Variants in SHISA9 observed in about 807,000 individuals in gnomAD.
The protein encoded by SHISA9 is shisa family member 9.
In SHISA9, 13 loss-of-function variants were observed where a neutral mutation model predicts 38.0. That is an observed-to-expected ratio of 0.34 (90% CI 0.22 to 0.54). The LOEUF is 0.54. Among genes scored for constraint, SHISA9 ranks in the 20% least tolerant of loss-of-function variants. The probability of loss-of-function intolerance (pLI) is 0.91; values close to 1 mark genes in which losing one functional copy is unlikely to be tolerated. For synonymous variants in SHISA9, 275 were observed against 242.0 expected, an observed-to-expected ratio of 1.14 and a Z score of -1.27; for missense variants, 538 against 575.8, an observed-to-expected ratio of 0.93 and a Z score of 0.67.
chr16:13,130,600 G>A (rs1183263286), intron 2 of SHISA9, among the ~76,000 whole-genome samples: 1 of 151,984 alleles, frequency 6.6e-6, no homozygotes, highest in African/African-American at 2.4e-5. Context: ...TATTTTCATA[G>A]GTTTAGGTAT....
chr16:13,292,352 A>T, the SHISA9 span, among the ~76,000 whole-genome samples: 19 of 152,186 alleles, frequency 1.2e-4, no homozygotes, highest in African/African-American at 4.3e-4. Flanking sequence ...TCCTGTCCAG[A>T]TTACCAAGAA....
At chr16:13,295,763 A>G in the SHISA9 span, among the ~76,000 whole-genome samples, 1 of 152,198 alleles carries the variant, frequency 6.6e-6, no homozygotes, top group South Asian at 2.1e-4. Context: ...TGTGAAAACT[A>G]GTGATAAAAA....
chr16:13,075,751 C>A (rs1169614012), intron 2 of SHISA9, among the ~76,000 whole-genome samples: 1 of 152,058 alleles, frequency 6.6e-6, no homozygotes, highest in African/African-American at 2.4e-5. Context: ...TGAAGTAGGC[C>A]AGCAGAAAAA....
At chr16:13,369,981 T>C in the SHISA9 span, among the ~76,000 whole-genome samples, 2 of 152,144 alleles carry the variant, frequency 1.3e-5, no homozygotes, top group African/African-American at 2.4e-5. Context: ...ATGGTATAAA[T>C]ATACCACATT....
chr16:13,003,889 TAAG>T (rs59904952), intron 2 of SHISA9, among the ~76,000 whole-genome samples: 4,667 of 145,798 alleles, frequency 0.032, 103 homozygotes, highest in African/African-American at 0.061. Context: ...ATAATAATAA[TAAG>T]AAGAAGAAGA....
At chr16:13,225,135 C>T (rs758254495) in intron 4 of SHISA9, among the ~76,000 whole-genome samples, 91 of 152,090 alleles carry the variant, frequency 6.0e-4, no homozygotes, top group African/African-American at 2.0e-3. Flanking sequence ...AAAATGGCCA[C>T]GTGAAGTCCA....
chr16:13,124,522 C>T (rs992414290), intron 2 of SHISA9, among the ~76,000 whole-genome samples: 1 of 152,098 alleles, frequency 6.6e-6, no homozygotes, highest in Non-Finnish European at 1.5e-5. Flanking sequence ...CAGGGATGGG[C>T]ACACCTTGGA....
chr16:12,947,355 G>A (rs752299393), intron 2 of SHISA9, among the ~76,000 whole-genome samples: 11 of 152,160 alleles, frequency 7.2e-5, no homozygotes, highest in African/African-American at 1.7e-4. Flanking sequence ...TCATTTCCAG[G>A]GAAGAATTCC....
the SHISA9 span, among the ~76,000 whole-genome samples, chr16:13,411,740 A>C: frequency 6.6e-6 from 1 of 152,188 alleles, no homozygotes; most frequent in African/African-American, 2.4e-5. Context: ...TACACAAGAC[A>C]CTTCTGCTCA....
At chr16:12,959,131 G>C (rs2071874868) in intron 2 of SHISA9, among the ~76,000 whole-genome samples, 1 of 152,196 alleles carries the variant, frequency 6.6e-6, no homozygotes, top group Non-Finnish European at 1.5e-5. Flanking sequence ...TGTGTTTTAA[G>C]AGCCTGTTTG....
At chr16:13,279,761 A>G in the SHISA9 span, among the ~76,000 whole-genome samples, 1 of 151,822 alleles carries the variant, frequency 6.6e-6, no homozygotes, top group African/African-American at 2.4e-5. Context: ...TCATGTCAGT[A>G]TTTGGTCCAT....
intron 2 of SHISA9, among the ~76,000 whole-genome samples, chr16:12,947,697 T>C (rs2071705197): frequency 6.6e-6 from 1 of 152,178 alleles, no homozygotes; most frequent in Non-Finnish European, 1.5e-5. Flanking sequence ...GGATAACTCA[T>C]CTATCACTGG....
chr16:13,271,496 G>A, the SHISA9 span, among the ~76,000 whole-genome samples: 49 of 152,164 alleles, frequency 3.2e-4, no homozygotes, highest in East Asian at 9.7e-4. Context: ...CAGCGTGTAC[G>A]GTGGTGAAGG....
At chr16:13,103,918 C>G (rs1293784579) in intron 2 of SHISA9, among the ~76,000 whole-genome samples, 2 of 152,178 alleles carry the variant, frequency 1.3e-5, no homozygotes, top group Admixed American at 6.5e-5. Flanking sequence ...ATCTCTCCCC[C>G]ATTCTGGGAT....
the SHISA9 span, among the ~76,000 whole-genome samples, chr16:13,539,358 T>A: frequency 0.026 from 1,695 of 64,290 alleles, 128 homozygotes; most frequent in East Asian, 0.082. Flanking sequence ...TATATATATA[T>A]AAAGACAGGA....
intron 2 of SHISA9, among the ~76,000 whole-genome samples, chr16:13,013,977 T>A (rs1237940557): frequency 6.6e-6 from 1 of 151,994 alleles, no homozygotes; most frequent in Non-Finnish European, 1.5e-5. Context: ...GATCTGCCCA[T>A]CTCTGCCTCC....
chr16:13,000,544 T>C (rs899297304), intron 2 of SHISA9, among the ~76,000 whole-genome samples: 1 of 152,148 alleles, frequency 6.6e-6, no homozygotes, highest in South Asian at 2.1e-4. Flanking sequence ...AGTAACTCCC[T>C]GGAATGTCTG....
chr16:13,259,763 C>T, the SHISA9 span, among the ~76,000 whole-genome samples: 1 of 152,280 alleles, frequency 6.6e-6, no homozygotes, highest in Admixed American at 6.5e-5. Context: ...AAGGCTGGGA[C>T]ACAGGGAATC....
At chr16:13,310,184 G>A in the SHISA9 span, among the ~76,000 whole-genome samples, 1 of 152,126 alleles carries the variant, frequency 6.6e-6, no homozygotes, top group East Asian at 1.9e-4. Context: ...CACTGCTCCC[G>A]GCCTGTTCTG....
Sources: gnomAD v4.1 joint callset for allele counts (sites outside exome capture counted in the v4.1 genomes callset) on GRCh38, gnomAD v4.1.1 for gene constraint, MANE v1.5 for transcripts, NCBI Gene and HGNC (gene_info 2026-07-23, HGNC 2026-07-21) for gene names.